Variants in PARD3 observed in about 807,000 individuals in gnomAD.
The protein encoded by PARD3 is par-3 family cell polarity regulator, also known as partitioning defective 3 homolog.
A neutral mutation model predicts 155.4 loss-of-function variants in PARD3; 75 were observed. The ratio of observed to expected loss-of-function variants is 0.48; its 90% CI spans 0.40 to 0.58. The LOEUF is 0.58. PARD3 is among the 20% of genes least tolerant of loss of function. The probability of loss-of-function intolerance (pLI) is 0.00; values close to 1 mark genes in which losing one functional copy is unlikely to be tolerated. For missense variants in PARD3, 1,642 were observed against 1,721.7 expected (o/e 0.95, Z 0.82); for synonymous variants, 576 against 610.5 (o/e 0.94, Z 0.83).
intron 2 of PARD3, among the ~76,000 whole-genome samples, chr10:34,528,641 T>C (rs1480208746): frequency 6.6e-6 from 1 of 152,200 alleles, no homozygotes; most frequent in African/African-American, 2.4e-5. Context: ...GTTACTAATA[T>C]TTGAGAAAGT....
intron 1 of PARD3, among the ~76,000 whole-genome samples, chr10:34,794,946 C>A (rs925297128): frequency 1.3e-5 from 2 of 152,286 alleles, no homozygotes; most frequent in Non-Finnish European, 2.9e-5. Context: ...GCCTTGGACA[C>A]TCCTCACACT....
At chr10:34,812,965 C>T (rs1460165626) in intron 1 of PARD3, among the ~76,000 whole-genome samples, 1 of 152,190 alleles carries the variant, frequency 6.6e-6, no homozygotes, top group Non-Finnish European at 1.5e-5. Flanking sequence ...CAGAGGCCAC[C>T]TCTTCTCCCC....
intron 2 of PARD3, among the ~76,000 whole-genome samples, chr10:34,687,389 C>T (rs757289790): frequency 3.3e-5 from 5 of 152,190 alleles, no homozygotes; most frequent in Admixed American, 6.5e-5. Context: ...TCTTTTTCTT[C>T]CCAACATTTT....
chr10:34,174,186 T>C (rs1192562409), intron 22 of PARD3, among the ~76,000 whole-genome samples: 1 of 152,164 alleles, frequency 6.6e-6, no homozygotes, highest in Non-Finnish European at 1.5e-5. Flanking sequence ...AGGTGCTCTA[T>C]TCTAGTGGGG....
chr10:34,356,523 T>C (rs1838893659), intron 14 of PARD3, among the ~76,000 whole-genome samples: 1 of 152,218 alleles, frequency 6.6e-6, no homozygotes. Context: ...GATTTAAAGA[T>C]GAGATAGCAA....
chr10:34,699,307 C>G (rs1035108613), intron 1 of PARD3, among the ~76,000 whole-genome samples: 2 of 150,130 alleles, frequency 1.3e-5, no homozygotes, highest in Admixed American at 6.8e-5. Context: ...GTAACCCCAA[C>G]AGAGCATGCT....
intron 2 of PARD3, among the ~76,000 whole-genome samples, chr10:34,625,222 GCTTT>G (rs1382129048): frequency 6.6e-6 from 1 of 152,224 alleles, no homozygotes; most frequent in Non-Finnish European, 1.5e-5. Context: ...TTTAAAATGT[GCTTT>G]CTAAGCAAGT....
At chr10:34,775,836 A>G (rs577024208) in intron 1 of PARD3, among the ~76,000 whole-genome samples, 7 of 152,224 alleles carry the variant, frequency 4.6e-5, no homozygotes, top group Non-Finnish European at 1.0e-4. Context: ...AAGACATATC[A>G]TAAGAACTCT....
At chr10:34,332,365 G>A (rs1835708376) in intron 18 of PARD3, among the ~76,000 whole-genome samples, 1 of 152,012 alleles carries the variant, frequency 6.6e-6, no homozygotes, top group Admixed American at 6.6e-5. Flanking sequence ...ACCACCACCT[G>A]GGCAATCCAG....
intron 7 of PARD3, among the ~76,000 whole-genome samples, chr10:34,392,690 G>T (rs1039384353): frequency 6.6e-6 from 1 of 152,056 alleles, no homozygotes. Context: ...GGCTTATATG[G>T]TTTTTTTCAA....
At chr10:34,176,562 T>C (rs1235419114) in intron 22 of PARD3, among the ~76,000 whole-genome samples, 1 of 152,180 alleles carries the variant, frequency 6.6e-6, no homozygotes, top group East Asian at 1.9e-4. Flanking sequence ...CCCAGTGGTG[T>C]TGACTTTGTC....
intron 19 of PARD3, among the ~76,000 whole-genome samples, chr10:34,330,615 C>T (rs1835514256): frequency 6.6e-6 from 1 of 152,142 alleles, no homozygotes; most frequent in Non-Finnish European, 1.5e-5. Flanking sequence ...AGGATGACTT[C>T]ACACCCCTGA....
At chr10:34,138,349 G>A (rs765961179) in intron 22 of PARD3, among the ~76,000 whole-genome samples, 3 of 152,142 alleles carry the variant, frequency 2.0e-5, no homozygotes, top group African/African-American at 4.8e-5. Flanking sequence ...CTATTCAATT[G>A]CTTAGGGTGA....
intron 23 of PARD3, among the ~76,000 whole-genome samples, chr10:34,123,004 C>T (rs980675745): frequency 6.6e-6 from 1 of 152,182 alleles, no homozygotes; most frequent in Non-Finnish European, 1.5e-5. Flanking sequence ...AAGTAACACC[C>T]ACATAGGGAA....
chr10:34,674,231 A>T (rs1180989706), intron 2 of PARD3, among the ~76,000 whole-genome samples: 1 of 152,208 alleles, frequency 6.6e-6, no homozygotes, highest in Non-Finnish European at 1.5e-5. Context: ...CATCCCCACC[A>T]GCTCGACAGT....
chr10:34,225,031 A>T (rs1286730174), intron 22 of PARD3, among the ~76,000 whole-genome samples: 1 of 152,224 alleles, frequency 6.6e-6, no homozygotes, highest in Non-Finnish European at 1.5e-5. Context: ...AAAGAGACCA[A>T]GATTTTCAAG....
intron 2 of PARD3, among the ~76,000 whole-genome samples, chr10:34,572,816 G>A (rs2086539924): frequency 6.6e-6 from 1 of 151,372 alleles, no homozygotes; most frequent in Non-Finnish European, 1.5e-5. Flanking sequence ...TCTTTCTAAA[G>A]CTATAGATAA....
intron 2 of PARD3, among the ~76,000 whole-genome samples, chr10:34,647,506 T>C (rs77703619): frequency 0.017 from 2,600 of 152,348 alleles, 71 homozygotes; most frequent in African/African-American, 0.059. Context: ...CGTTAAGGAC[T>C]TTTCAAGCCC....
At chr10:34,523,858 T>A (rs1330518179) in intron 2 of PARD3, among the ~76,000 whole-genome samples, 4 of 152,182 alleles carry the variant, frequency 2.6e-5, no homozygotes, top group African/African-American at 9.7e-5. Context: ...TCACTTTTCG[T>A]CTCCATAGTT....
Sources: allele counts gnomAD v4.1 joint callset (sites outside exome capture counted in the v4.1 genomes callset), GRCh38; gene constraint gnomAD v4.1.1; transcripts MANE v1.5; gene names NCBI Gene and HGNC (gene_info 2026-07-23, HGNC 2026-07-21).